Variants in GSK3B observed in about 807,000 individuals in gnomAD.
GSK3B encodes the protein glycogen synthase kinase-3 beta.
A neutral mutation model predicts 56.4 loss-of-function variants in GSK3B; 15 were observed. The ratio of observed to expected loss-of-function variants is 0.27; its 90% confidence interval spans 0.18 to 0.41. GSK3B has a LOEUF of 0.41. Among genes scored for constraint, GSK3B ranks in the 10% least tolerant of loss-of-function variants. The pLI is 1.00. For missense variants in GSK3B, 300 were observed against 513.4 expected (o/e 0.58, Z 4.02); for synonymous variants, 181 against 188.9 (o/e 0.96, Z 0.34).
chr3:119,884,567 G>C (rs1363273630), intron 7 of GSK3B, among the ~76,000 whole-genome samples: 2 of 152,060 alleles, frequency 1.3e-5, no homozygotes, highest in African/African-American at 4.8e-5. Flanking sequence ...ATTTGTCAGT[G>C]GTAGATAGGG....
At chr3:119,883,858 G>C (rs1459568771) in intron 7 of GSK3B, among the ~76,000 whole-genome samples, 1 of 152,130 alleles carries the variant, frequency 6.6e-6, no homozygotes, top group Admixed American at 6.6e-5. Context: ...GAAAAATCTT[G>C]ATGGTATTAG....
At chr3:120,090,840 G>A (rs745621745) in intron 1 of GSK3B, among the ~76,000 whole-genome samples, 41 of 152,128 alleles carry the variant, frequency 2.7e-4, no homozygotes, top group Admixed American at 2.5e-3. Flanking sequence ...CCCTCCATCA[G>A]CTAACTTTCT....
chr3:119,861,722 G>A (rs2056105768), intron 9 of GSK3B, among the ~76,000 whole-genome samples: 1 of 152,230 alleles, frequency 6.6e-6, no homozygotes, highest in South Asian at 2.1e-4. Context: ...CAGAGCATTT[G>A]AACACTTTTT....
At chr3:119,994,347 G>GA (rs1476455867) in intron 2 of GSK3B, among the ~76,000 whole-genome samples, 1 of 151,302 alleles carries the variant, frequency 6.6e-6, no homozygotes, top group Non-Finnish European at 1.5e-5. Flanking sequence ...AATTAATAAA[G>GA]AAAAAAAGAA....
chr3:119,833,061 C>T (rs2055629174), intron 10 of GSK3B: 1 of 755,020 alleles, frequency 1.3e-6, no homozygotes, highest in African/African-American at 1.9e-5. Context: ...AACTGCCCCA[C>T]CCAAATGTTC....
At chr3:120,008,569 T>C (rs1326402842) in intron 1 of GSK3B, among the ~76,000 whole-genome samples, 1 of 152,164 alleles carries the variant, frequency 6.6e-6, no homozygotes, top group Non-Finnish European at 1.5e-5. Context: ...TCTACCACCA[T>C]CTGATCTCTG....
intron 6 of GSK3B, among the ~76,000 whole-genome samples, chr3:119,911,843 A>G (rs989274590): frequency 3.9e-5 from 6 of 152,178 alleles, no homozygotes; most frequent in African/African-American, 1.2e-4. Flanking sequence ...AAGGGAGTTC[A>G]GGCCTTGCTG....
intron 1 of GSK3B, among the ~76,000 whole-genome samples, chr3:120,030,819 C>T (rs1017676420): frequency 6.6e-6 from 1 of 152,206 alleles, no homozygotes; most frequent in Non-Finnish European, 1.5e-5. Flanking sequence ...AATAAGTAAA[C>T]ACACAATAAT....
chr3:120,086,702 A>T (rs1249019898), intron 1 of GSK3B, among the ~76,000 whole-genome samples: 1 of 152,128 alleles, frequency 6.6e-6, no homozygotes, highest in Non-Finnish European at 1.5e-5. Flanking sequence ...GGTTGAGGTT[A>T]AAAGATCACC....
Position 119,826,343 on chromosome 3 carries a change from G to A in GSK3B, c.*445C>T. 1 of 356,770 alleles carries A rather than the reference G, an allele frequency of 2.8e-6. No individual in the cohort carries two copies. Among genetic ancestry groups the A allele is most frequent in the Non-Finnish European group, 5.2e-6 (1 of 191,848 alleles). The allele number at this position is 356,770 out of a possible 1,614,324, so 22.1% of individuals were successfully genotyped here. On this transcript the variant is annotated 3_prime_UTR_variant, in exon 11 of 11. Coordinates refer to ENST00000264235, the MANE Select transcript of GSK3B (RefSeq NM_001146156.2). ...CTGCTAAGCTCCCAACCAATTTCAA[G>A]CTGTGCACTATACCAAAGTCTCACA...
rs766504149 is a variant in GSK3B at position 119,842,908 on chromosome 3, T to A, written c.1195+347A>T. On this transcript the variant is annotated intron_variant, in intron 10 of 10. Coordinates refer to ENST00000264235, the MANE Select transcript of GSK3B (RefSeq NM_001146156.2). ...ATGAAATGAAAGGTAATCATATCTTTTTGAAAAACAGAATTTTTTTTTTTT... is the reference window on the plus strand; with the variant it reads ...ATGAAATGAAAGGTAATCATATCTTATTGAAAAACAGAATTTTTTTTTTTT... 2.6e-5 allele frequency among the ~76,000 whole-genome samples: 4 copies of A among 152,164 alleles called. No individual in the cohort carries two copies. The East Asian group carries it at 7.7e-4, about 29-fold the overall frequency.
At chr3:120,001,026 G>A (rs1177612316) in intron 2 of GSK3B, among the ~76,000 whole-genome samples, 2 of 145,050 alleles carry the variant, frequency 1.4e-5, no homozygotes, top group African/African-American at 2.6e-5. Flanking sequence ...CCGGGTTCAC[G>A]CCATTCTCCT....
chr3:119,922,237 G>T (rs2056849737), intron 4 of GSK3B, among the ~76,000 whole-genome samples: 1 of 120,006 alleles, frequency 8.3e-6, no homozygotes, highest in South Asian at 2.9e-4. Flanking sequence ...AGGGAAGGAA[G>T]GAAGGAAGGA....
chr3:120,093,654 A>C lies in GSK3B; in HGVS notation c.-220T>G, dbSNP rs2058534287. ...CAAGACAGATCGGCACGGATATTTA[A>C]CATATAGATGATTTAGGACTTGGGA... On this transcript the variant is annotated 5_prime_UTR_variant, in exon 1 of 11. Coordinates refer to ENST00000264235, the MANE Select transcript of GSK3B (RefSeq NM_001146156.2). 4.5e-6 allele frequency: 2 copies of C among 445,296 alleles called. No individual in the cohort carries two copies. Among genetic ancestry groups the C allele is most frequent in the Non-Finnish European group, 8.1e-6 (2 of 246,676 alleles). 27.6% of individuals were successfully genotyped at this position (445,296 alleles called of 1,614,324 possible). A position where few individuals can be genotyped will look rare whatever the true frequency, so the allele number is the denominator to read the frequency against.
At chr3:120,051,934 A>T (rs2058153855) in intron 1 of GSK3B, among the ~76,000 whole-genome samples, 1 of 152,242 alleles carries the variant, frequency 6.6e-6, no homozygotes, top group South Asian at 2.1e-4. Flanking sequence ...ACAAAAGTAA[A>T]AACTGTTTTT....
chr3:120,060,691 A>G (rs1375955372), intron 1 of GSK3B, among the ~76,000 whole-genome samples: 1 of 152,162 alleles, frequency 6.6e-6, no homozygotes, highest in Non-Finnish European at 1.5e-5. Context: ...ACGCCACTTC[A>G]CTCCAGCCTG....
At chr3:119,871,386 TAC>T (rs1465521273) in intron 8 of GSK3B, among the ~76,000 whole-genome samples, 4 of 152,216 alleles carry the variant, frequency 2.6e-5, no homozygotes, top group Admixed American at 2.0e-4. Context: ...ATACAAAAGC[TAC>T]AGACACTTTA....
At chr3:119,886,986 T>A (rs1007009379) in intron 7 of GSK3B, among the ~76,000 whole-genome samples, 3 of 152,086 alleles carry the variant, frequency 2.0e-5, no homozygotes, top group African/African-American at 7.2e-5. Context: ...AACTTGCACA[T>A]GTACCCCTGA....
chr3:120,004,195 G>A (rs1030597967), intron 1 of GSK3B, among the ~76,000 whole-genome samples: 3 of 152,194 alleles, frequency 2.0e-5, no homozygotes, highest in Non-Finnish European at 4.4e-5. Flanking sequence ...GGTGGGGGGA[G>A]GGGCGTTTGC....
Sources: allele counts gnomAD v4.1 joint callset (sites outside exome capture counted in the v4.1 genomes callset), GRCh38; gene constraint gnomAD v4.1.1; transcripts MANE v1.5; gene names NCBI Gene and HGNC (gene_info 2026-07-23, HGNC 2026-07-21).